The following INPP5F variants were observed in gnomAD, a reference collection of about 807,000 sequenced individuals.
INPP5F encodes the protein inositol polyphosphate-5-phosphatase F, also known as phosphatidylinositide 4-phosphatase SAC2.
In INPP5F, 97 loss-of-function variants were observed where a neutral mutation model predicts 137.2. The ratio of observed to expected loss-of-function variants is 0.71; its 90% CI spans 0.60 to 0.84. The LOEUF (loss-of-function observed/expected upper bound fraction) is 0.84, where lower values mean the gene tolerates loss of function less well. Among genes scored for constraint, INPP5F ranks in the 40% least tolerant of loss-of-function variants. The pLI is 0.00. For synonymous variants in INPP5F, 504 were observed against 476.9 expected, an observed-to-expected ratio of 1.06 and a Z score of -0.74; for missense variants, 1,271 against 1,371.9, an observed-to-expected ratio of 0.93 and a Z score of 1.16.
chr10:119,799,350 A>G (rs1457451540), intron 9 of INPP5F: 1 of 445,914 alleles, frequency 2.2e-6, no homozygotes, highest in Non-Finnish European at 4.5e-6. Flanking sequence ...AAAATAACAT[A>G]CAAAAAGATA....
chr10:119,726,274 C>G lies in INPP5F; in HGVS notation c.12C>G (p.Phe4Leu), dbSNP rs775217558. The G allele has an allele frequency of 2.0e-6, 3 of 1,485,550 alleles. No homozygotes were observed. The highest frequency in any genetic ancestry group is 2.7e-6 in the Non-Finnish European group (3 of 1,117,730). The allele number at this position is 1,485,550 out of a possible 1,614,324, so 92.0% of individuals were successfully genotyped here. A position where few individuals can be genotyped will look rare whatever the true frequency, so the allele number is the denominator to read the frequency against. ...CGCGCGGGGCCAGCATGGAGCTCTTCCAAGCCAAGGACCACTACATCCTGC... is the reference window on the plus strand; with the variant it reads ...CGCGCGGGGCCAGCATGGAGCTCTTGCAAGCCAAGGACCACTACATCCTGC... Reference protein sequence around the residue: MELFQAKDHYILQQ... With the variant: MELLQAKDHYILQQ... Residue 4 changes from phenylalanine (F) to leucine (L), a missense_variant, in exon 1 of 20, where the codon TTC becomes TTG. Phe to Leu is a conservative substitution (Grantham distance 22). Transcript: ENST00000650623.
At chr10:119,813,952 G>A (rs1851151714) in intron 15 of INPP5F, among the ~76,000 whole-genome samples, 2 of 152,240 alleles carry the variant, frequency 1.3e-5, no homozygotes, top group South Asian at 4.1e-4. Flanking sequence ...ATGATGAAAT[G>A]CTTCTCTTTT....
chr10:119,827,861 T>TCTC lies in INPP5F; in HGVS notation c.*83_*84insCCT. ...CTCTTGGGGTATTTTAATTGTACTG[T>TCTC]CTGAACCCAGGGATCACAAATTCTG... On this transcript the variant is annotated 3_prime_UTR_variant, in exon 20 of 20. Transcript: ENST00000650623. The TCTC allele has an allele frequency of 9.6e-7, 1 of 1,044,828 alleles. No homozygotes were observed. Among genetic ancestry groups the TCTC allele is most frequent in the Non-Finnish European group, 1.4e-6 (1 of 719,736 alleles). 64.7% of individuals were successfully genotyped at this position (1,044,828 alleles called of 1,614,324 possible).
Position 119,779,661 on chromosome 10 carries a change from C to A in INPP5F, c.179-1974C>A, listed in dbSNP as rs114701032. Among the ~76,000 whole-genome samples, 152 of 152,170 alleles carry A rather than the reference C, an allele frequency of 1.0e-3. 3 individuals carry two copies. The highest frequency in any genetic ancestry group is 3.6e-3 in the African/African-American group (148 of 41,488). ...TCTTGAAGTCCTGGGCTCAAGCAAT[C>A]CTCCCACTTTGACCTCTCAAAGTGC... On this transcript the variant is annotated intron_variant, in intron 2 of 19. Transcript: ENST00000650623.
intron 2 of INPP5F, among the ~76,000 whole-genome samples, chr10:119,763,253 T>C (rs1387239219): frequency 6.6e-6 from 1 of 152,226 alleles, no homozygotes; most frequent in Non-Finnish European, 1.5e-5. Flanking sequence ...AGGTTCTACC[T>C]TCCAGACCTG....
intron 1 of INPP5F, among the ~76,000 whole-genome samples, chr10:119,750,794 T>G (rs1393435741): frequency 6.6e-6 from 1 of 152,166 alleles, no homozygotes; most frequent in Non-Finnish European, 1.5e-5. Flanking sequence ...ATGGCCCTGT[T>G]CCTCCACTGT....
intron 15 of INPP5F, chr10:119,815,881 C>G (rs1225642209): frequency 6.6e-6 from 1 of 152,506 alleles, no homozygotes; most frequent in Admixed American, 6.5e-5. Context: ...TTGCATCTCA[C>G]AATGGTTGAG....
Position 119,826,822 on chromosome 10 carries a change from A to G in INPP5F, c.2441A>G (p.Asn814Ser). 1 of 1,613,406 alleles carries G rather than the reference A, an allele frequency of 6.2e-7. No individual in the cohort carries two copies. ...GNFTKPEMKVNFLKPNLKVNL... is the reference protein window; with the variant it reads ...GNFTKPEMKVSFLKPNLKVNL... ...TTTACCAAACCTGAAATGAAAGTTA[A>G]CTTTCTAAAACCAAACTTAAAAGTA... Residue 814 changes from asparagine (N) to serine (S), a missense_variant, in exon 20 of 20, where the codon AAC becomes AGC. Asn to Ser is a conservative substitution (Grantham distance 46, BLOSUM62 1). Transcript: ENST00000650623.
intron 2 of INPP5F, among the ~76,000 whole-genome samples, chr10:119,781,237 T>C (rs1849690313): frequency 6.6e-6 from 1 of 152,232 alleles, no homozygotes; most frequent in African/African-American, 2.4e-5. Flanking sequence ...ACTGGACTGA[T>C]TAAAGGTAAG....
At chr10:119,798,873 T>C (rs951060269) in intron 9 of INPP5F, among the ~76,000 whole-genome samples, 1 of 149,910 alleles carries the variant, frequency 6.7e-6, no homozygotes, top group African/African-American at 2.4e-5. Context: ...TCAAGCAATC[T>C]TCTCTCCTCA....
rs551892333 is a variant in INPP5F at position 119,815,059 on chromosome 10, G to A, written c.1886+3104G>A. Among the ~76,000 whole-genome samples the A allele has an allele frequency of 6.4e-4, 98 of 152,106 alleles. 1 individual carries two copies. The highest frequency in any genetic ancestry group is 4.0e-3 in the South Asian group (19 of 4,808). ...TTTTTGTATTTTTAATAGAGATGGC[G>A]TTTCACCCTGTTAGCCAGGATGGTC... On this transcript the variant is annotated intron_variant, in intron 15 of 19. Coordinates refer to ENST00000650623, the MANE Select transcript of INPP5F (RefSeq NM_014937.4).
At chr10:119,765,474 C>T (rs996001129) in intron 2 of INPP5F, among the ~76,000 whole-genome samples, 1 of 151,692 alleles carries the variant, frequency 6.6e-6, no homozygotes, top group African/African-American at 2.4e-5. Flanking sequence ...TAGGTTCAAG[C>T]GACTCTCATG....
In INPP5F at chr10:119,820,826, C is replaced by A; in HGVS notation, c.1887-20C>A. On this transcript the variant is annotated intron_variant, in intron 15 of 19. Transcript: ENST00000650623. ...AGATGGAAATGAAAATACTTAATCT[C>A]CTGTGTCATATTTGTTTAGCCTCAT... 1.3e-6 allele frequency: 2 copies of A among 1,570,942 alleles called. No homozygotes were observed. Among genetic ancestry groups the A allele is most frequent in the Non-Finnish European group, 1.8e-6 (2 of 1,140,730 alleles).
intron 2 of INPP5F, among the ~76,000 whole-genome samples, chr10:119,751,517 G>A (rs999813800): frequency 3.9e-5 from 6 of 152,182 alleles, no homozygotes; most frequent in African/African-American, 1.4e-4. Context: ...TATGTCAGCT[G>A]ACTGTTCCTG....
At chr10:119,817,539 A>C (rs894723427) in intron 15 of INPP5F, among the ~76,000 whole-genome samples, 3 of 152,180 alleles carry the variant, frequency 2.0e-5, no homozygotes, top group African/African-American at 7.2e-5. Flanking sequence ...CATCCTACTT[A>C]GTGTGAAGTG....
At chr10:119,798,687 C>A in intron 9 of INPP5F, 77 bp downstream of exon 9, 3 of 888,972 alleles carry the variant, frequency 3.4e-6, no homozygotes, top group East Asian at 2.9e-5. Flanking sequence ...ATAAAAATAA[C>A]ATTGTACTAT....
intron 9 of INPP5F, among the ~76,000 whole-genome samples, chr10:119,800,087 A>G (rs1340658614): frequency 6.6e-6 from 1 of 151,622 alleles, no homozygotes; most frequent in Non-Finnish European, 1.5e-5. Flanking sequence ...TATTAAAATT[A>G]TATAGGACTT....
At chr10:119,823,960 T>A in intron 19 of INPP5F, 58 bp downstream of exon 19, 1 of 1,316,440 alleles carries the variant, frequency 7.6e-7, no homozygotes, top group Non-Finnish European at 1.1e-6. Flanking sequence ...CTTATTTGTT[T>A]AAAATTATTT....
chr10:119,786,895 G>C (rs1246761009), intron 3 of INPP5F, among the ~76,000 whole-genome samples: 2 of 152,002 alleles, frequency 1.3e-5, no homozygotes, highest in Non-Finnish European at 2.9e-5. Flanking sequence ...GTGTTTCCAT[G>C]AGTTTGAACT....
Sources: gnomAD v4.1 joint callset for allele counts (sites outside exome capture counted in the v4.1 genomes callset) on GRCh38, gnomAD v4.1.1 for gene constraint, MANE v1.5 for transcripts, NCBI Gene and HGNC (gene_info 2026-07-23, HGNC 2026-07-21) for gene names.